Variants in GLDC observed in about 807,000 individuals in gnomAD.
GLDC encodes the protein glycine decarboxylase.
Under a neutral mutation model 121.3 loss-of-function variants are expected in GLDC, and 104 were observed. The observed-to-expected ratio is 0.86, with a 90% CI of 0.73 to 1.01. GLDC has a LOEUF of 1.01. GLDC is among the 50% of genes least tolerant of loss of function. GLDC has a pLI of 0.00. For missense variants in GLDC, 1,429 were observed against 1,306.6 expected, an observed-to-expected ratio of 1.09 and a Z score of -1.44; for synonymous variants, 546 against 480.6, an observed-to-expected ratio of 1.14 and a Z score of -1.78.
intron 15 of GLDC, among the ~76,000 whole-genome samples, chr9:6,577,347 C>A (rs1306613415): frequency 6.6e-6 from 1 of 152,186 alleles, no homozygotes; most frequent in Non-Finnish European, 1.5e-5. Flanking sequence ...GATAGAGGTG[C>A]CGCTAGGGCA....
chr9:6,640,110 T>C (rs955139995), intron 2 of GLDC, among the ~76,000 whole-genome samples: 1 of 152,214 alleles, frequency 6.6e-6, no homozygotes, highest in African/African-American at 2.4e-5. Context: ...CTTCCCTTTT[T>C]TCCACAATAA....
chr9:6,639,745 C>T (rs923463502), intron 2 of GLDC: 1 of 171,936 alleles, frequency 5.8e-6, no homozygotes, highest in Non-Finnish European at 1.1e-5. Context: ...ATTACCAGAC[C>T]ATATTTAAAA....
chr9:6,545,522 G>C (rs917418393), intron 21 of GLDC, among the ~76,000 whole-genome samples: 1 of 152,162 alleles, frequency 6.6e-6, no homozygotes, highest in Non-Finnish European at 1.5e-5. Context: ...GTGAGTGAAC[G>C]GGAAGGTCTA....
intron 16 of GLDC, among the ~76,000 whole-genome samples, chr9:6,562,103 G>C (rs116999438): frequency 0.015 from 2,300 of 152,230 alleles, 28 homozygotes; most frequent in Non-Finnish European, 0.024. Flanking sequence ...GTAAGATCTG[G>C]AGGTCTGCTG....
chr9:6,534,182 CA>C (rs1225665276), intron 24 of GLDC: 2,664 of 56,644 alleles, frequency 0.047, 22 homozygotes, highest in African/African-American at 0.11. Context: ...GACTCCGTCT[CA>C]AAAAAAAAAA....
At chr9:6,620,083 G>C (rs1343870872) in intron 3 of GLDC, 101 bp downstream of exon 3, 2 of 1,105,930 alleles carry the variant, frequency 1.8e-6, no homozygotes, top group Non-Finnish European at 2.8e-6. Context: ...TAGGAGGTGG[G>C]TGTCAGTGTG....
intron 2 of GLDC, among the ~76,000 whole-genome samples, chr9:6,641,484 A>G (rs1819627467): frequency 6.6e-6 from 1 of 152,218 alleles, no homozygotes; most frequent in Non-Finnish European, 1.5e-5. Flanking sequence ...AAAGGACAAA[A>G]TGAAGAGAGA....
At chr9:6,639,054 T>C in intron 2 of GLDC, 1 of 629,922 alleles carries the variant, frequency 1.6e-6, no homozygotes, top group East Asian at 2.7e-5. Flanking sequence ...TCAATAGTAG[T>C]CAGTAAACAT....
chr9:6,554,786 C>G lies in GLDC; in HGVS notation c.2203-5G>C. 6.2e-7 allele frequency: 1 copy of G among 1,608,148 alleles called. No individual in the cohort carries two copies. Among genetic ancestry groups the G allele is most frequent in the South Asian group, 1.1e-5 (1 of 89,926 alleles). ...TCCAGGGCGACAGATTCCCACCTACCACAAAGGCAAGGGCCAAAAGCAAAA... is the reference window on the plus strand; with the variant it reads ...TCCAGGGCGACAGATTCCCACCTACGACAAAGGCAAGGGCCAAAAGCAAAA... On this transcript the variant is annotated splice_region_variant and splice_polypyrimidine_tract_variant and intron_variant, in intron 18 of 24. Transcript: ENST00000321612.
chr9:6,621,873 G>C (rs1314550321), intron 2 of GLDC, among the ~76,000 whole-genome samples: 2 of 152,116 alleles, frequency 1.3e-5, no homozygotes, highest in East Asian at 3.8e-4. Context: ...TTACCTCTCT[G>C]CATAGAGATA....
At chr9:6,635,874 CAAATAAAAT>C (rs899686253) in intron 2 of GLDC, among the ~76,000 whole-genome samples, 1 of 151,182 alleles carries the variant, frequency 6.6e-6, no homozygotes, top group Non-Finnish European at 1.5e-5. Context: ...GATACTGTCT[CAAATAAAAT>C]AAATAAAATA....
chr9:6,608,218 CCTGGCTAACAGGGTGAAACCCCAT>C (rs1335635872), intron 4 of GLDC, among the ~76,000 whole-genome samples: 2 of 150,688 alleles, frequency 1.3e-5, no homozygotes, highest in African/African-American at 4.9e-5. Flanking sequence ...TCGAGACCCT[CCTGGCTAACAGGGTGAAACCCCAT>C]CTCTACTAAA....
intron 15 of GLDC, among the ~76,000 whole-genome samples, chr9:6,575,639 T>A (rs1818050908): frequency 6.6e-6 from 1 of 152,196 alleles, no homozygotes; most frequent in African/African-American, 2.4e-5. Flanking sequence ...TCCGTCTACA[T>A]TAACAATCAC....
At chr9:6,643,650 T>C (rs541942245) in intron 2 of GLDC, among the ~76,000 whole-genome samples, 2 of 151,962 alleles carry the variant, frequency 1.3e-5, no homozygotes, top group East Asian at 3.9e-4. Context: ...ATTAAAAATA[T>C]TTTAAACCTA....
At chr9:6,621,408 C>T (rs1276775755) in intron 2 of GLDC, among the ~76,000 whole-genome samples, 1 of 152,192 alleles carries the variant, frequency 6.6e-6, no homozygotes, top group Non-Finnish European at 1.5e-5. Flanking sequence ...AAGACGGTCA[C>T]TTGGCTGAGG....
At position 6,564,731 on chromosome 9, in the gene GLDC, G is replaced by C. The variant is rs971125661; in HGVS notation, c.1926+623C>G. Among the ~76,000 whole-genome samples the C allele has an allele frequency of 6.6e-5, 10 of 152,312 alleles. No homozygotes were observed. In the South Asian group the frequency reaches 1.7e-3, roughly 25 times the overall value. ...GCCACTGCTACAGGCACTGCCCCTG[G>C]GGGGAGCGAGTGGTGTCCATTAGTA... On this transcript the variant is annotated intron_variant, in intron 16 of 24. Transcript: ENST00000321612.
intron 2 of GLDC, among the ~76,000 whole-genome samples, chr9:6,629,958 T>TATATATATATATATGTATATA: frequency 3.8e-5 from 3 of 78,650 alleles, no homozygotes; most frequent in African/African-American, 6.1e-5. Context: ...TATATATATA[T>TATATATATATATATGTATATA]TTTTTTTTTT....
Position 6,540,116 on chromosome 9 carries a change from G to A in GLDC, c.2600C>T (p.Thr867Met), listed in dbSNP as rs749852046. The A allele has an allele frequency of 3.6e-5, 58 of 1,612,526 alleles. No individual in the cohort carries two copies. Among genetic ancestry groups the A allele is most frequent in the Non-Finnish European group, 4.2e-5 (50 of 1,178,682 alleles). The stretch of plus-strand genomic sequence containing the variant: ...ATTTGCAGACTTTTTGAAGGGTCTC[G>A]TGTCCAAAATAAATTCATGACCCAC... ...GYVGHEFILD[T>M]RPFKKSANIE... Residue 867 changes from threonine (T) to methionine (M), a missense_variant, in exon 22 of 25, where the codon ACG becomes ATG. Thr to Met is a moderately conservative substitution (Grantham distance 81, BLOSUM62 -1). Transcript: ENST00000321612.
At chr9:6,619,483 T>A (rs1819037452) in intron 3 of GLDC, among the ~76,000 whole-genome samples, 1 of 151,958 alleles carries the variant, frequency 6.6e-6, no homozygotes, top group Admixed American at 6.6e-5. Context: ...ATCCCAGCAC[T>A]TTGGGAGGCT....
Sources: allele counts gnomAD v4.1 joint callset (sites outside exome capture counted in the v4.1 genomes callset), GRCh38; gene constraint gnomAD v4.1.1; transcripts MANE v1.5; gene names NCBI Gene and HGNC (gene_info 2026-07-23, HGNC 2026-07-21).